The following TMEM234 variants were observed in gnomAD, a reference collection of about 807,000 sequenced individuals.
The protein encoded by TMEM234 is transmembrane protein 234.
A neutral mutation model predicts 17.8 loss-of-function variants in TMEM234; 21 were observed. The ratio of observed to expected loss-of-function variants is 1.18; its 90% CI spans 0.84 to 1.70. The LOEUF is 1.70. Ranked by LOEUF, TMEM234 falls within the 40% of genes most tolerant of loss-of-function variation. The probability of loss-of-function intolerance (pLI) is 0.00; values close to 1 mark genes in which losing one functional copy is unlikely to be tolerated. For synonymous variants in TMEM234, 83 were observed against 73.5 expected, an observed-to-expected ratio of 1.13 and a Z score of -0.66; for missense variants, 137 against 166.9, an observed-to-expected ratio of 0.82 and a Z score of 0.99.
intron 3 of TMEM234, among the ~76,000 whole-genome samples, chr1:32,218,468 G>C (rs1431158657): frequency 6.6e-6 from 1 of 151,858 alleles, no homozygotes; most frequent in East Asian, 1.9e-4. Context: ...CTTAAAATTT[G>C]TTGAGGGTAG....
intron 1 of TMEM234, 98 bp from the exon 2 acceptor site, chr1:32,222,116 C>G (rs1331632455): frequency 3.1e-5 from 47 of 1,504,708 alleles, no homozygotes; most frequent in Non-Finnish European, 4.0e-5. Context: ...GCCCCCACTT[C>G]CCTCCTTCGC....
At chr1:32,214,617 T>G (rs1312016366), downstream of TMEM234, 1 of 820,140 alleles carries the variant, frequency 1.2e-6, no homozygotes, top group Non-Finnish European at 1.9e-6. Context: ...GCTCTGTCCC[T>G]GGATAAGTCA....
At chr1:32,218,600 A>T (rs918511238) in intron 3 of TMEM234, among the ~76,000 whole-genome samples, 3 of 151,968 alleles carry the variant, frequency 2.0e-5, no homozygotes, top group African/African-American at 7.3e-5. Flanking sequence ...GTTGGGAGTT[A>T]GAGACCAGCG....
Position 32,221,984 on chromosome 1 carries a change from C to G in TMEM234, c.51G>C (p.Leu17=). 3 of 1,612,462 alleles carry G rather than the reference C, an allele frequency of 1.9e-6. No homozygotes were observed. Among genetic ancestry groups the G allele is most frequent in the Non-Finnish European group, 2.5e-6 (3 of 1,179,762 alleles). The change falls in exon 2 of 5, where the codon CTG becomes CTC. Residue 17 remains leucine, a synonymous_variant. Coordinates refer to ENST00000309777, the MANE Select transcript of TMEM234 (RefSeq NM_019118.5). ...QVLALVLVAA[L]WGGTQPLLKR... is the part of the protein sequence containing the mutation. ...TCAGCAGCGGCTGCGTGCCACCCCA[C>G]AGAGCGGCCACCAGCACCAGAGCCA...
intron 2 of TMEM234, among the ~76,000 whole-genome samples, chr1:32,221,661 T>C (rs1466016470): frequency 2.0e-5 from 3 of 152,188 alleles, no homozygotes; most frequent in African/African-American, 7.2e-5. Flanking sequence ...GCTCTACGTA[T>C]CTCACCTAAT....
At position 32,217,907 on chromosome 1, in the gene TMEM234, A is replaced by G. The variant is rs1242616983; in HGVS notation, c.236-556T>C. Among the ~76,000 whole-genome samples the G allele has an allele frequency of 2.0e-5, 3 of 152,374 alleles. No individual in the cohort carries two copies. The East Asian group carries it at 5.8e-4, about 29-fold the overall frequency. On this transcript the variant is annotated intron_variant, in intron 3 of 4. Coordinates refer to ENST00000309777, the MANE Select transcript of TMEM234 (RefSeq NM_019118.5). ...CCTGCGCCGTTATTAAACTGTGGAT[A>G]TAGACAGAGCAGAACATCAGATGAA...
chr1:32,221,505 C>T (rs1201332039), intron 2 of TMEM234, among the ~76,000 whole-genome samples: 2 of 152,170 alleles, frequency 1.3e-5, no homozygotes, highest in Non-Finnish European at 2.9e-5. Context: ...CTGAACTCCT[C>T]CCCTGCAGGG....
downstream of TMEM234, chr1:32,216,003 CAG>C: frequency 7.2e-6 from 7 of 978,884 alleles, no homozygotes; most frequent in Non-Finnish European, 1.1e-5. Flanking sequence ...GCTGGGCTCA[CAG>C]GGTACACTGC....
chr1:32,215,900 G>A, downstream of TMEM234: 1 of 1,550,822 alleles, frequency 6.4e-7, no homozygotes, highest in African/African-American at 1.4e-5. Context: ...CATCTTGAGA[G>A]CCAGCAGCTC....
chr1:32,221,929 G>A lies in TMEM234; in HGVS notation c.106C>T (p.His36Tyr), dbSNP rs749469542. Reference sequence around the variant, plus strand: ...AACTGCTGGGCCCAGGTCGGCTCATGAACCCGCTGCAGGCCGGCGGAGGCC... The same window carrying A: ...AACTGCTGGGCCCAGGTCGGCTCATAAACCCGCTGCAGGCCGGCGGAGGCC... ...KRASAGLQRV[H>Y]EPTWAQQLLQ... The change falls in exon 2 of 5, where the codon CAT becomes TAT. Residue 36 changes from histidine to tyrosine, a missense_variant. His to Tyr is a moderately conservative substitution (Grantham distance 83). Coordinates refer to ENST00000309777, the MANE Select transcript of TMEM234 (RefSeq NM_019118.5). 2.5e-6 allele frequency: 4 copies of A among 1,613,280 alleles called. No homozygotes were observed. Among genetic ancestry groups the A allele is most frequent in the East Asian group, 2.2e-5 (1 of 44,862 alleles).
downstream of TMEM234, chr1:32,215,535 T>C: frequency 6.2e-7 from 1 of 1,613,186 alleles, no homozygotes; most frequent in South Asian, 1.1e-5. Flanking sequence ...AGAGGAGCCC[T>C]TGGATCAGGT....
chr1:32,221,072 CA>C (rs1014757967), intron 3 of TMEM234, 58 bp downstream of exon 3: 25 of 1,454,726 alleles, frequency 1.7e-5, no homozygotes, highest in African/African-American at 1.3e-4. Flanking sequence ...CCGCCCCCCC[CA>C]ATCACTCTTC....
At chr1:32,214,970 C>T (rs757497665), downstream of TMEM234, 4 of 1,612,440 alleles carry the variant, frequency 2.5e-6, no homozygotes, top group South Asian at 3.3e-5. Context: ...TCTCAGCTGC[C>T]CTTTGACAGT....
intron 3 of TMEM234, among the ~76,000 whole-genome samples, chr1:32,219,843 C>T (rs1638733789): frequency 6.6e-6 from 1 of 152,180 alleles, no homozygotes; most frequent in Non-Finnish European, 1.5e-5. Context: ...TATTCAAACA[C>T]TCAACCTGTT....
rs1393265590 is a variant in TMEM234 at position 32,221,703 on chromosome 1, T to C, written c.168+164A>G. Reference sequence around the variant, plus strand: ...AACTGACCTATCAGATGGTTATTATTATAATCGCCATTTACAGATGATGAA... The same window carrying C: ...AACTGACCTATCAGATGGTTATTATCATAATCGCCATTTACAGATGATGAA... On this transcript the variant is annotated intron_variant, in intron 2 of 4. Coordinates refer to ENST00000309777, the MANE Select transcript of TMEM234 (RefSeq NM_019118.5). Among the ~76,000 whole-genome samples the C allele has an allele frequency of 2.6e-5, 4 of 152,238 alleles. No individual in the cohort carries two copies. The East Asian group carries it at 7.7e-4, about 29-fold the overall frequency.
chr1:32,215,072 A>C, downstream of TMEM234: 1 of 1,263,360 alleles, frequency 7.9e-7, no homozygotes, highest in African/African-American at 1.5e-5. Context: ...AAAAAAGATA[A>C]AGGAGTCTGA....
intron 3 of TMEM234, 93 bp downstream of exon 3, chr1:32,221,038 G>T: frequency 1.0e-6 from 1 of 968,658 alleles, no homozygotes. Context: ...TCACTGATGG[G>T]AATGAGGTGT....
downstream of TMEM234, chr1:32,215,983 C>T: frequency 8.7e-7 from 1 of 1,154,532 alleles, no homozygotes; most frequent in Non-Finnish European, 1.3e-6. Context: ...CCTCAGGAGC[C>T]AGCACCTCCG....
chr1:32,214,707 GCGT>G, downstream of TMEM234: 1 of 1,550,754 alleles, frequency 6.4e-7, no homozygotes, highest in Non-Finnish European at 8.7e-7. Context: ...GTTCCTGCAG[GCGT>G]CAGGGGCTCT....
Sources: gnomAD v4.1 joint callset for allele counts (sites outside exome capture counted in the v4.1 genomes callset) on GRCh38, gnomAD v4.1.1 for gene constraint, MANE v1.5 for transcripts, NCBI Gene and HGNC (gene_info 2026-07-23, HGNC 2026-07-21) for gene names.